Variants in EYS observed in about 807,000 individuals in gnomAD.
The protein encoded by EYS is protein eyes shut homolog.
In EYS, 250 loss-of-function variants were observed where a neutral mutation model predicts 282.1. That is an observed-to-expected ratio of 0.89 (90% confidence interval 0.80 to 0.98). The LOEUF (loss-of-function observed/expected upper bound fraction) is 0.98. Among genes scored for constraint, EYS ranks in the 50% least tolerant of loss-of-function variants. The pLI is 0.00. For missense variants in EYS, 4,016 were observed against 3,709.0 expected (o/e 1.08, Z -2.15); for synonymous variants, 1,355 against 1,282.9 (o/e 1.06, Z -1.20).
At chr6:64,794,095 TTTG>T (rs753177565) in intron 22 of EYS, among the ~76,000 whole-genome samples, 39 of 152,274 alleles carry the variant, frequency 2.6e-4, no homozygotes, top group Non-Finnish European at 5.3e-4. Flanking sequence ...TCATAAAATA[TTTG>T]TTGTTCTGTG....
In EYS at chr6:63,863,638, T is replaced by TTTTTCTTTTC. The variant is rs144436872; in HGVS notation, c.7228+538_7228+547dup. Reference sequence around the variant, plus strand: ...AACCTCAGGGAAAACTCATTACCACTTTTTCTTTTCTTTTCTTTTCTTTTC... The same window carrying TTTTTCTTTTC: ...AACCTCAGGGAAAACTCATTACCACTTTTTCTTTTCTTTTCTTTTCTTTTCTTTTCTTTTC... On this transcript the variant is annotated intron_variant, in intron 36 of 42. Coordinates refer to ENST00000503581, the MANE Select transcript of EYS (RefSeq NM_001142800.2). 1.1e-3 allele frequency among the ~76,000 whole-genome samples: 138 copies of TTTTTCTTTTC among 123,698 alleles called. 34 individuals carry two copies. The Middle Eastern group carries it at 0.013, about 11-fold the overall frequency. 81.2% of individuals were successfully genotyped at this position (123,698 alleles called of 152,430 possible). A position where few individuals can be genotyped will look rare whatever the true frequency, so the allele number is the denominator to read the frequency against.
chr6:63,846,719 T>A (rs1265483084), intron 36 of EYS, among the ~76,000 whole-genome samples: 1 of 152,216 alleles, frequency 6.6e-6, no homozygotes, highest in Non-Finnish European at 1.5e-5. Flanking sequence ...AGTGACTGAC[T>A]GATGGCAGAG....
In EYS at chr6:63,808,172, C is replaced by T. The variant is rs191186; in HGVS notation, c.7229-1800G>A. Among the ~76,000 whole-genome samples, 952 of 152,250 alleles carry T rather than the reference C, an allele frequency of 6.3e-3. 8 individuals are homozygous for T. Among genetic ancestry groups the T allele is most frequent in the African/African-American group, 0.021 (890 of 41,560 alleles). ...TTAGTGTGAAGTCAATACATTTATT[C>T]AGCTGAACTGGACTGAAAGTTGAGG... On this transcript the variant is annotated intron_variant, in intron 36 of 42. Coordinates refer to ENST00000503581, the MANE Select transcript of EYS (RefSeq NM_001142800.2).
At chr6:65,696,675 A>C (rs1769468550) in intron 1 of EYS, among the ~76,000 whole-genome samples, 1 of 152,008 alleles carries the variant, frequency 6.6e-6, no homozygotes, top group Non-Finnish European at 1.5e-5. Context: ...CTCACTGGTA[A>C]GGTAAGGCGG....
At chr6:64,115,405 T>C in intron 31 of EYS, among the ~76,000 whole-genome samples, 1 of 152,064 alleles carries the variant, frequency 6.6e-6, no homozygotes, top group South Asian at 2.1e-4. Flanking sequence ...GTGAGCATGC[T>C]CATAAGCTGG....
chr6:64,774,065 T>C (rs963206890), intron 22 of EYS, among the ~76,000 whole-genome samples: 4 of 151,990 alleles, frequency 2.6e-5, no homozygotes, highest in African/African-American at 9.7e-5. Flanking sequence ...TGTTTACTTC[T>C]GTCAAATCCC....
chr6:64,024,299 A>G lies in EYS; in HGVS notation c.6726-25116T>C, dbSNP rs561472126. On this transcript the variant is annotated intron_variant, in intron 33 of 42. Coordinates refer to ENST00000503581, the MANE Select transcript of EYS (RefSeq NM_001142800.2). Reference sequence around the variant, plus strand: ...TAGCTCAGGGTTTGTGAATGCACCAATTGACACTATGTATCTAGCTACTCT... The same window carrying G: ...TAGCTCAGGGTTTGTGAATGCACCAGTTGACACTATGTATCTAGCTACTCT... Among the ~76,000 whole-genome samples, 17 of 152,240 alleles carry G rather than the reference A, an allele frequency of 1.1e-4. No homozygotes were observed. In the South Asian group the frequency reaches 2.3e-3, roughly 20 times the overall value.
chr6:64,394,594 C>T (rs1339026470), intron 28 of EYS, among the ~76,000 whole-genome samples: 1 of 151,968 alleles, frequency 6.6e-6, no homozygotes, highest in Non-Finnish European at 1.5e-5. Context: ...AAAGCTGAAA[C>T]TGGATCCCTT....
At chr6:64,426,708 A>G (rs910908003) in intron 28 of EYS, among the ~76,000 whole-genome samples, 3 of 152,124 alleles carry the variant, frequency 2.0e-5, no homozygotes, top group African/African-American at 7.2e-5. Context: ...AAGTCCTCCC[A>G]GTAGCAAGAG....
intron 28 of EYS, among the ~76,000 whole-genome samples, chr6:64,406,645 G>T (rs10080120): frequency 9.9e-5 from 15 of 152,190 alleles, no homozygotes; most frequent in Admixed American, 9.2e-4. Context: ...AAAAGTGAGC[G>T]AAGGATATGA....
chr6:64,145,855 T>C (rs79957990), intron 31 of EYS, among the ~76,000 whole-genome samples: 8,355 of 152,206 alleles, frequency 0.055, 766 homozygotes, highest in African/African-American at 0.19. Context: ...TAGCCATGAC[T>C]CAAGGTGAAT....
intron 12 of EYS, among the ~76,000 whole-genome samples, chr6:65,057,969 A>G (rs1773466031): frequency 6.6e-6 from 1 of 152,146 alleles, no homozygotes; most frequent in Non-Finnish European, 1.5e-5. Flanking sequence ...GTAGGCATGC[A>G]AAGTCTCTTT....
chr6:64,180,964 C>T (rs919666512), intron 31 of EYS, among the ~76,000 whole-genome samples: 2 of 152,236 alleles, frequency 1.3e-5, no homozygotes, highest in South Asian at 2.1e-4. Context: ...TGCCTCTCCA[C>T]TTATGGAGTC....
At chr6:64,795,768 TGTGA>T (rs1205170822) in intron 22 of EYS, among the ~76,000 whole-genome samples, 1 of 152,210 alleles carries the variant, frequency 6.6e-6, no homozygotes, top group Admixed American at 6.5e-5. Flanking sequence ...CCTAATGAGC[TGTGA>T]CAGAATTTTA....
At chr6:63,786,219 A>T (rs915734265) in intron 39 of EYS, 1 of 151,628 alleles carries the variant, frequency 6.6e-6, no homozygotes, top group Non-Finnish European at 1.5e-5. Context: ...AAAAAAAAAA[A>T]AAAAGGTAAA....
At chr6:65,062,465 C>A (rs1443458776) in intron 12 of EYS, among the ~76,000 whole-genome samples, 5 of 151,892 alleles carry the variant, frequency 3.3e-5, no homozygotes, top group Non-Finnish European at 7.4e-5. Context: ...TTTCTGCTTT[C>A]ACTCTTACTC....
intron 2 of EYS, among the ~76,000 whole-genome samples, chr6:65,560,391 T>C (rs1200039647): frequency 6.8e-6 from 1 of 147,336 alleles, no homozygotes; most frequent in African/African-American, 2.5e-5. Flanking sequence ...ATATTGTATA[T>C]AATATATAAC....
At chr6:65,685,852 C>T (rs2149840788) in intron 1 of EYS, among the ~76,000 whole-genome samples, 1 of 151,966 alleles carries the variant, frequency 6.6e-6, no homozygotes, top group African/African-American at 2.4e-5. Flanking sequence ...AATTCTAATG[C>T]CTTCAATCCT....
intron 8 of EYS, among the ~76,000 whole-genome samples, chr6:65,366,560 G>C (rs1764920182): frequency 6.6e-6 from 1 of 151,720 alleles, no homozygotes; most frequent in Non-Finnish European, 1.5e-5. Context: ...TTCAGTTAGA[G>C]AGCTTCTTTA....
Sources: allele counts gnomAD v4.1 joint callset (sites outside exome capture counted in the v4.1 genomes callset), GRCh38; gene constraint gnomAD v4.1.1; transcripts MANE v1.5; gene names NCBI Gene and HGNC (gene_info 2026-07-23, HGNC 2026-07-21).